MARCHF6: variants seen among roughly 807,000 people sequenced by gnomAD.
MARCHF6 encodes the protein E3 ubiquitin-protein ligase MARCHF6.
Under a neutral mutation model 133.7 loss-of-function variants are expected in MARCHF6, and 31 were observed. That is an observed-to-expected ratio of 0.23 (90% CI 0.17 to 0.31). MARCHF6 has a LOEUF of 0.31. Among genes scored for constraint, MARCHF6 ranks in the 10% least tolerant of loss-of-function variants. The probability of loss-of-function intolerance (pLI) is 1.00; values close to 1 mark genes in which losing one functional copy is unlikely to be tolerated. For missense variants in MARCHF6, 723 were observed against 1,121.6 expected (o/e 0.64, Z 5.08); for synonymous variants, 395 against 402.5 (o/e 0.98, Z 0.22).
intron 1 of MARCHF6, among the ~76,000 whole-genome samples, chr5:10,369,079 G>GA (rs1329118377): frequency 1.3e-5 from 2 of 152,208 alleles, no homozygotes; most frequent in Admixed American, 1.3e-4. Flanking sequence ...CACGCCCATT[G>GA]AGGCAGGGAA....
intron 1 of MARCHF6, among the ~76,000 whole-genome samples, chr5:10,368,027 G>C (rs1350460711): frequency 6.6e-6 from 1 of 152,100 alleles, no homozygotes; most frequent in Non-Finnish European, 1.5e-5. Context: ...GAATCTGATG[G>C]GGGGGAGCCT....
intron 1 of MARCHF6, among the ~76,000 whole-genome samples, chr5:10,364,532 G>A (rs890224927): frequency 6.6e-6 from 1 of 152,136 alleles, no homozygotes; most frequent in African/African-American, 2.4e-5. Context: ...GAAAAGAAAA[G>A]AAAAGCTTAG....
chr5:10,365,111 T>G (rs372340799), intron 1 of MARCHF6, among the ~76,000 whole-genome samples: 3 of 151,828 alleles, frequency 2.0e-5, no homozygotes, highest in East Asian at 3.9e-4. Context: ...CCTCCCTGCT[T>G]CTTCTGATCT....
chr5:10,396,199 T>C (rs998176334), intron 9 of MARCHF6, among the ~76,000 whole-genome samples: 1 of 152,230 alleles, frequency 6.6e-6, no homozygotes, highest in Non-Finnish European at 1.5e-5. Flanking sequence ...GTCCCTGTTC[T>C]CAAAGATGCT....
chr5:10,424,381 G>A (rs1463485145), intron 23 of MARCHF6, among the ~76,000 whole-genome samples: 7 of 152,118 alleles, frequency 4.6e-5, no homozygotes, highest in Non-Finnish European at 7.4e-5. Context: ...CATGGTGTAG[G>A]GAAGTGGGGT....
intron 22 of MARCHF6, 120 bp downstream of exon 22, chr5:10,417,524 C>G: frequency 3.9e-6 from 5 of 1,285,398 alleles, no homozygotes; most frequent in South Asian, 1.3e-5. Flanking sequence ...GGTGGGAGGA[C>G]TGCTTGCACC....
chr5:10,425,640 G>T (rs1740044342), intron 23 of MARCHF6, among the ~76,000 whole-genome samples: 1 of 152,208 alleles, frequency 6.6e-6, no homozygotes, highest in Admixed American at 6.5e-5. Context: ...AGGTGATGGG[G>T]TTGAGTTATG....
At chr5:10,416,611 G>A (rs1739527247) in intron 21 of MARCHF6, among the ~76,000 whole-genome samples, 1 of 152,120 alleles carries the variant, frequency 6.6e-6, no homozygotes, top group South Asian at 2.1e-4. Context: ...TGAAACAGGT[G>A]TGTTTTCTGA....
intron 1 of MARCHF6, among the ~76,000 whole-genome samples, chr5:10,355,040 T>C (rs1008178054): frequency 3.3e-5 from 5 of 152,172 alleles, no homozygotes; most frequent in African/African-American, 1.2e-4. Context: ...GCCTGTGGAA[T>C]AGGTAGGTAT....
intron 21 of MARCHF6, 111 bp from the exon 22 acceptor site, chr5:10,417,159 G>C (rs1418498567): frequency 1.4e-5 from 17 of 1,237,950 alleles, no homozygotes; most frequent in Non-Finnish European, 1.9e-5. Context: ...CGTGGATACT[G>C]AGGGATGACT....
intron 2 of MARCHF6, 44 bp from the exon 3 acceptor site, chr5:10,378,715 C>A: frequency 8.5e-7 from 1 of 1,182,878 alleles, no homozygotes; most frequent in Non-Finnish European, 1.2e-6. Flanking sequence ...TGTAATGTTT[C>A]TTTGCTGTAA....
intron 1 of MARCHF6, among the ~76,000 whole-genome samples, chr5:10,373,061 T>TAA (rs368554826): frequency 6.9e-6 from 1 of 144,272 alleles, no homozygotes; most frequent in African/African-American, 2.5e-5. Flanking sequence ...CCCTGTCTCT[T>TAA]AAAAAAAAAA....
chr5:10,373,784 C>T (rs1164682950), intron 1 of MARCHF6, among the ~76,000 whole-genome samples: 1 of 152,210 alleles, frequency 6.6e-6, no homozygotes, highest in Non-Finnish European at 1.5e-5. Context: ...TGTACATCCA[C>T]ACTTGCACCC....
At chr5:10,357,633 A>G (rs999128156) in intron 1 of MARCHF6, among the ~76,000 whole-genome samples, 2 of 152,166 alleles carry the variant, frequency 1.3e-5, no homozygotes, top group African/African-American at 4.8e-5. Flanking sequence ...CTAGACCCAC[A>G]CAGTCTTCTT....
Position 10,394,051 on chromosome 5 carries a change from A to G in MARCHF6, c.767-31A>G, listed in dbSNP as rs776979717. 12 of 1,313,338 alleles carry G rather than the reference A, an allele frequency of 9.1e-6. No individual in the cohort carries two copies. In the East Asian group the frequency reaches 2.5e-4, roughly 27 times the overall value. The allele number at this position is 1,313,338 out of a possible 1,614,324, so 81.4% of individuals were successfully genotyped here. ...TTTATTATTTATTATTTTTACTTCA[A>G]GTAATCTTTAAATTGCAATTATATT... On this transcript the variant is annotated intron_variant, in intron 7 of 25. Coordinates refer to ENST00000274140, the MANE Select transcript of MARCHF6 (RefSeq NM_005885.4).
At chr5:10,386,604 C>T (rs1438903803) in intron 4 of MARCHF6, among the ~76,000 whole-genome samples, 1 of 152,160 alleles carries the variant, frequency 6.6e-6, no homozygotes, top group Non-Finnish European at 1.5e-5. Flanking sequence ...AGACTTATAC[C>T]TCCAAAACTG....
intron 9 of MARCHF6, 101 bp from the exon 10 acceptor site, chr5:10,397,192 C>G: frequency 2.7e-6 from 2 of 748,564 alleles, no homozygotes; most frequent in Non-Finnish European, 4.2e-6. Context: ...TCAATCTTAG[C>G]TGTTTTTACT....
Position 10,391,618 on chromosome 5 carries a change from T to G in MARCHF6, c.653T>G (p.Val218Gly), listed in dbSNP as rs1426956238. 6.2e-7 allele frequency: 1 copy of G among 1,612,436 alleles called. No homozygotes were observed. The highest frequency in any genetic ancestry group is 8.5e-7 in the Non-Finnish European group (1 of 1,179,440). Residue 218 changes from valine to glycine, a missense_variant, in exon 7 of 26, where the codon GTG (valine) becomes GGG (glycine). Val to Gly is a moderately radical substitution (Grantham distance 109, BLOSUM62 -3). Around this residue, in one of 4 missense-constraint regions of MARCHF6, gnomAD observed 97 missense variants for 115.4 expected, o/e 0.84. Transcript: ENST00000274140. The part of the protein sequence containing the change: ...PANPPAENAV[V>G]GENPDAQDDQ... ...AACCCACCAGCTGAGAACGCAGTGGTGGGGGAAAACCCTGATGCCCAGGAT... is the reference window on the plus strand; with the variant it reads ...AACCCACCAGCTGAGAACGCAGTGGGGGGGGAAAACCCTGATGCCCAGGAT...
At chr5:10,372,499 AAT>A (rs1458477606) in intron 1 of MARCHF6, among the ~76,000 whole-genome samples, 1 of 139,154 alleles carries the variant, frequency 7.2e-6, no homozygotes, top group Non-Finnish European at 1.6e-5. Flanking sequence ...TGGAAATAAT[AAT>A]ATGTTAGAAT....
Sources: allele counts gnomAD v4.1 joint callset (sites outside exome capture counted in the v4.1 genomes callset), GRCh38; gene constraint gnomAD v4.1.1; regional missense constraint gnomAD v4.1.1; transcripts MANE v1.5; gene names NCBI Gene and HGNC (gene_info 2026-07-23, HGNC 2026-07-21).